Variants in RHOF observed in about 807,000 individuals in gnomAD.
The protein encoded by RHOF is rho-related GTP-binding protein RhoF.
Under a neutral mutation model 22.2 loss-of-function variants are expected in RHOF, and 21 were observed. The ratio of observed to expected loss-of-function variants is 0.95; its 90% CI spans 0.67 to 1.36. The LOEUF (loss-of-function observed/expected upper bound fraction) is 1.36. Ranked by LOEUF, RHOF falls within the 40% of genes most tolerant of loss-of-function variation. The pLI is 0.00. For missense variants in RHOF, 285 were observed against 293.7 expected, an observed-to-expected ratio of 0.97 and a Z score of 0.22; for synonymous variants, 135 against 131.2, an observed-to-expected ratio of 1.03 and a Z score of -0.20.
At position 121,784,819 on chromosome 12, in the gene RHOF, G is replaced by A. The variant is rs1874563655; in HGVS notation, c.227-3627C>T. Among the ~76,000 whole-genome samples, 3 of 152,306 alleles carry A rather than the reference G, an allele frequency of 2.0e-5. No individual in the cohort carries two copies. In the South Asian group the frequency reaches 6.2e-4, roughly 32 times the overall value. Reference sequence around the variant, plus strand: ...TTAAGATGTAACAATGGGGTTCACAGTTCTGGCATAACTTATTCCCTTTTA... The same window carrying A: ...TTAAGATGTAACAATGGGGTTCACAATTCTGGCATAACTTATTCCCTTTTA... On this transcript the variant is annotated intron_variant, in intron 2 of 4. Coordinates refer to ENST00000267205, the MANE Select transcript of RHOF (RefSeq NM_019034.3).
chr12:121,785,904 C>CA, intron 2 of RHOF, among the ~76,000 whole-genome samples: 1 of 136,310 alleles, frequency 7.3e-6, no homozygotes, highest in Non-Finnish European at 1.6e-5. Context: ...GAGCCACGTG[C>CA]CCAGCCTTTT....
intron 4 of RHOF, chr12:121,780,643 G>T (rs922337194): frequency 1.0e-5 from 6 of 586,748 alleles, no homozygotes; most frequent in Non-Finnish European, 1.8e-5. Flanking sequence ...TTCTCCCCCT[G>T]TAAACTGGGG....
Position 121,793,157 on chromosome 12 carries a change from G to A in RHOF, c.221C>T (p.Thr74Met), listed in dbSNP as rs776383493. The A allele has an allele frequency of 6.5e-7, 1 of 1,550,046 alleles. No individual in the cohort carries two copies. Among genetic ancestry groups the A allele is most frequent in the East Asian group, 2.4e-5 (1 of 40,910 alleles). ...SKEVTLNLYD[T>M]AGQEDYDRLR... ...CGGCGCGCAGGCGCACTCACCGGCC[G>A]TGTCGTAGAGGTTCAGGGTCACCTC... Residue 74 changes from threonine (T) to methionine (M), a missense_variant, in exon 2 of 5, where the codon ACG becomes ATG. Physicochemically the swap from Thr to Met is moderately conservative, Grantham distance 81. Coordinates refer to ENST00000267205, the MANE Select transcript of RHOF (RefSeq NM_019034.3).
chr12:121,791,920 T>C (rs1874774757), intron 2 of RHOF, among the ~76,000 whole-genome samples: 1 of 152,162 alleles, frequency 6.6e-6, no homozygotes, highest in Non-Finnish European at 1.5e-5. Context: ...AGTAAAGGTG[T>C]CCCAGACCAT....
At chr12:121,791,222 T>C (rs1186593318) in intron 2 of RHOF, among the ~76,000 whole-genome samples, 1 of 151,942 alleles carries the variant, frequency 6.6e-6, no homozygotes, top group Non-Finnish European at 1.5e-5. Context: ...GCCTCCCGGG[T>C]TCAAACGATT....
chr12:121,792,437 G>A (rs1037827881), intron 2 of RHOF, among the ~76,000 whole-genome samples: 5 of 152,196 alleles, frequency 3.3e-5, no homozygotes, highest in African/African-American at 7.2e-5. Context: ...ACATAAATCC[G>A]TAAACCACCC....
chr12:121,792,960 A>G (rs1592960455), intron 2 of RHOF, among the ~76,000 whole-genome samples, 192 bp downstream of exon 2: 2 of 152,124 alleles, frequency 1.3e-5, no homozygotes, highest in South Asian at 4.1e-4. Flanking sequence ...TCCTCCAAAC[A>G]CCTTCCACTT....
intron 2 of RHOF, 62 bp from the exon 3 acceptor site, chr12:121,781,254 G>T: frequency 1.4e-6 from 2 of 1,457,164 alleles, no homozygotes; most frequent in Non-Finnish European, 1.9e-6. Flanking sequence ...TCTGACGGGT[G>T]AAGGGGAAGG....
In RHOF at chr12:121,780,855, TC is replaced by T; in HGVS notation, c.471+16del. ...TCACAGCCACGGCTGTGCCCCAGGG[TC>T]TTGGCCCCGGCCCACCTGCATGTAG... is the stretch of plus-strand genomic sequence containing the variant. On this transcript the variant is annotated intron_variant, in intron 4 of 4. Transcript: ENST00000267205. The T allele has an allele frequency of 6.2e-7, 1 of 1,609,302 alleles. No homozygotes were observed. Among genetic ancestry groups the T allele is most frequent in the South Asian group, 1.1e-5 (1 of 90,446 alleles).
At chr12:121,789,806 A>G (rs961522428) in intron 2 of RHOF, among the ~76,000 whole-genome samples, 3 of 151,878 alleles carry the variant, frequency 2.0e-5, no homozygotes, top group African/African-American at 7.3e-5. Flanking sequence ...TTGCCTAACA[A>G]TTTTCTTTCT....
At chr12:121,787,564 CAT>C (rs1450925121) in intron 2 of RHOF, among the ~76,000 whole-genome samples, 10 of 152,180 alleles carry the variant, frequency 6.6e-5, no homozygotes, top group Non-Finnish European at 1.2e-4. Context: ...TGATGACAGT[CAT>C]AATAAAGATG....
At chr12:121,782,137 T>TCG (rs1406885819) in intron 2 of RHOF, 2 of 152,162 alleles carry the variant, frequency 1.3e-5, no homozygotes, top group Admixed American at 1.3e-4. Context: ...GACAGACACT[T>TCG]CTGTTTCTCC....
At chr12:121,782,245 CCCAGAAACCGCATGG>C (rs930973143) in intron 2 of RHOF, 32 of 152,234 alleles carry the variant, frequency 2.1e-4, no homozygotes, top group African/African-American at 7.7e-4. Flanking sequence ...GCCCCAAGCC[CCCAGAAACCGCATGG>C]ACTCTGCATT....
chr12:121,781,412 A>G, intron 2 of RHOF: 1 of 522,342 alleles, frequency 1.9e-6, no homozygotes, highest in Non-Finnish European at 3.5e-6. Flanking sequence ...TCAAGGCTAC[A>G]GTGAGCCGTG....
intron 2 of RHOF, among the ~76,000 whole-genome samples, chr12:121,790,738 A>G (rs555791089): frequency 6.6e-6 from 1 of 152,326 alleles, no homozygotes; most frequent in Admixed American, 6.5e-5. Context: ...GCTGCTTGGA[A>G]GAGACTTGCC....
At position 121,777,854 on chromosome 12, in the gene RHOF, C is replaced by G. The variant is rs570637406; in HGVS notation, c.*1644G>C. ...CCTCTACCGTAGACCATCATGAGGCCTGGGGTTCTTCGAGAACAAGAACTC... is the reference window on the plus strand; with the variant it reads ...CCTCTACCGTAGACCATCATGAGGCGTGGGGTTCTTCGAGAACAAGAACTC... On this transcript the variant is annotated 3_prime_UTR_variant, in exon 5 of 5. Coordinates refer to ENST00000267205, the MANE Select transcript of RHOF (RefSeq NM_019034.3). The G allele has an allele frequency of 3.3e-5, 5 of 152,338 alleles. No individual in the cohort carries two copies. Among genetic ancestry groups the G allele is most frequent in the Admixed American group, 3.3e-4 (5 of 15,296 alleles). 9.4% of individuals were successfully genotyped at this position (152,338 alleles called of 1,614,324 possible).
In RHOF at chr12:121,793,552, C is replaced by A; in HGVS notation, c.82G>T (p.Gly28Cys). The change falls in exon 1 of 5, where the codon GGC becomes TGC. Residue 28 changes from glycine to cysteine, a missense_variant. Transcript: ENST00000267205. ...KELKIVIVGD[G>C]GCGKTSLLMV... ...AGCAGCGAGGTCTTGCCGCAGCCGCCGTCGCCCACGATCACGATCTTCAGC... is the reference window on the plus strand; with the variant it reads ...AGCAGCGAGGTCTTGCCGCAGCCGCAGTCGCCCACGATCACGATCTTCAGC... The A allele has an allele frequency of 6.5e-7, 1 of 1,548,654 alleles. No individual in the cohort carries two copies. Among genetic ancestry groups the A allele is most frequent in the Non-Finnish European group, 8.7e-7 (1 of 1,149,856 alleles).
At chr12:121,779,711 C>T (rs745579126) in intron 4 of RHOF, 49 bp from the exon 5 acceptor site, 3 of 1,598,072 alleles carry the variant, frequency 1.9e-6, no homozygotes. Context: ...CTGGAGGTCT[C>T]CTAGCACCAC....
At chr12:121,787,909 A>AGGGGGGGGG (rs60048337) in intron 2 of RHOF, among the ~76,000 whole-genome samples, 6 of 48,842 alleles carry the variant, frequency 1.2e-4, no homozygotes, top group Admixed American at 4.9e-4. Context: ...AAAAAAAAAA[A>AGGGGGGGGG]GGGGGGGGGG....
Sources: allele counts gnomAD v4.1 joint callset (sites outside exome capture counted in the v4.1 genomes callset), GRCh38; gene constraint gnomAD v4.1.1; transcripts MANE v1.5; gene names NCBI Gene and HGNC (gene_info 2026-07-23, HGNC 2026-07-21).